Variants in SLC1A1 observed in about 807,000 individuals in gnomAD.
SLC1A1 encodes solute carrier family 1 member 1, also known as excitatory amino acid transporter 3.
A neutral mutation model predicts 53.3 loss-of-function variants in SLC1A1; 43 were observed. The observed-to-expected ratio is 0.81, with a 90% CI of 0.63 to 1.04. The LOEUF is 1.04. SLC1A1 is among the 50% of genes least tolerant of loss of function. The pLI, the probability that SLC1A1 is intolerant of heterozygous loss-of-function variation, is 0.00. For missense variants in SLC1A1, 748 were observed against 664.9 expected (o/e 1.12, Z -1.37); for synonymous variants, 307 against 243.2 (o/e 1.26, Z -2.44).
At chr9:4,572,090 TG>T (rs1820111561) in intron 6 of SLC1A1, 113 bp from the exon 7 acceptor site, 1 of 898,552 alleles carries the variant, frequency 1.1e-6, no homozygotes, top group African/African-American at 1.6e-5. Flanking sequence ...TGACTCTGCC[TG>T]GGAGATCACC....
intron 1 of SLC1A1, among the ~76,000 whole-genome samples, chr9:4,492,330 G>C (rs1398983708): frequency 1.3e-5 from 2 of 152,088 alleles, no homozygotes; most frequent in Non-Finnish European, 2.9e-5. Flanking sequence ...TGAAGACTGA[G>C]AGATGCCAGG....
intron 2 of SLC1A1, chr9:4,553,788 G>A (rs1330270775): frequency 6.6e-6 from 1 of 152,202 alleles, no homozygotes; most frequent in African/African-American, 2.4e-5. Context: ...TCACCAAATA[G>A]CCTAGAGTGG....
intron 1 of SLC1A1, among the ~76,000 whole-genome samples, chr9:4,530,792 T>G (rs1252244989): frequency 3.9e-5 from 6 of 152,234 alleles, no homozygotes; most frequent in Admixed American, 3.9e-4. Flanking sequence ...ATTTGGATAT[T>G]AATAAATGCA....
intron 2 of SLC1A1, 81 bp from the exon 3 acceptor site, chr9:4,561,368 T>A (rs1818922270): frequency 3.4e-6 from 3 of 885,492 alleles, no homozygotes; most frequent in Non-Finnish European, 5.8e-6. Context: ...GCTCTTTATT[T>A]CACAACCTGA....
chr9:4,576,138 G>T lies in SLC1A1; in HGVS notation c.998+15G>T, dbSNP rs748164966. ...ATCTCTTCCAGGTAAACAGAAGAGG[G>T]GTTTCTGGAAGAAGCCTCCAGGCTC... On this transcript the variant is annotated intron_variant, in intron 9 of 11. Coordinates refer to ENST00000262352, the MANE Select transcript of SLC1A1 (RefSeq NM_004170.6). The T allele has an allele frequency of 6.2e-7, 1 of 1,612,824 alleles. No individual in the cohort carries two copies. Among genetic ancestry groups the T allele is most frequent in the Non-Finnish European group, 8.5e-7 (1 of 1,178,814 alleles).
At chr9:4,534,127 C>T (rs1369598041) in intron 1 of SLC1A1, among the ~76,000 whole-genome samples, 2 of 152,112 alleles carry the variant, frequency 1.3e-5, no homozygotes, top group Non-Finnish European at 2.9e-5. Flanking sequence ...AAAACTGACA[C>T]CCTAACATCA....
rs140389093 is a variant in SLC1A1 at position 4,548,143 on chromosome 9, C to T, written c.232+3436C>T. Among the ~76,000 whole-genome samples the T allele has an allele frequency of 6.4e-3, 974 of 152,152 alleles. 8 individuals carry two copies. Among genetic ancestry groups the T allele is most frequent in the African/African-American group, 0.023 (941 of 41,510 alleles). On this transcript the variant is annotated intron_variant, in intron 2 of 11. Coordinates refer to ENST00000262352, the MANE Select transcript of SLC1A1 (RefSeq NM_004170.6). ...TCTGGCCTGAGATCCTCCAATTTTG[C>T]CTCTGGTCGCTTCTCTGCCTCATCT... is the stretch of plus-strand genomic sequence containing the variant.
intron 3 of SLC1A1, 114 bp downstream of exon 3, chr9:4,561,655 G>A: frequency 1.3e-6 from 1 of 764,846 alleles, no homozygotes; most frequent in Non-Finnish European, 2.4e-6. Context: ...AATCTGGGAG[G>A]CTGATGTGGG....
At chr9:4,533,922 A>G (rs1261446503) in intron 1 of SLC1A1, among the ~76,000 whole-genome samples, 5 of 152,200 alleles carry the variant, frequency 3.3e-5, no homozygotes, top group African/African-American at 1.2e-4. Context: ...AAACCACTCA[A>G]CTACATGGAA....
At chr9:4,572,179 A>C in intron 6 of SLC1A1, 25 bp from the exon 7 acceptor site, 6 of 1,599,066 alleles carry the variant, frequency 3.8e-6, no homozygotes, top group Non-Finnish European at 5.1e-6. Context: ...GTGCATCAAT[A>C]TGTTTTCTTG....
At chr9:4,540,798 C>T (rs1222390584) in intron 1 of SLC1A1, among the ~76,000 whole-genome samples, 2 of 152,206 alleles carry the variant, frequency 1.3e-5, no homozygotes, top group Non-Finnish European at 2.9e-5. Flanking sequence ...GCACAGGCAG[C>T]TTTCTTGGAA....
At chr9:4,528,999 C>T (rs904042435) in intron 1 of SLC1A1, among the ~76,000 whole-genome samples, 2 of 152,078 alleles carry the variant, frequency 1.3e-5, no homozygotes, top group Non-Finnish European at 2.9e-5. Context: ...AACAAGAACC[C>T]CAGAACTTCA....
chr9:4,493,341 T>G (rs1241090929), intron 1 of SLC1A1, among the ~76,000 whole-genome samples: 1 of 152,232 alleles, frequency 6.6e-6, no homozygotes, highest in Non-Finnish European at 1.5e-5. Context: ...TACTTGTTTG[T>G]GTAGTCTGTA....
intron 2 of SLC1A1, among the ~76,000 whole-genome samples, chr9:4,555,405 A>G (rs1360836081): frequency 6.6e-6 from 1 of 152,156 alleles, no homozygotes; most frequent in African/African-American, 2.4e-5. Context: ...CTCTAGGAGG[A>G]GTCTTTTGCC....
intron 3 of SLC1A1, among the ~76,000 whole-genome samples, chr9:4,562,062 C>G (rs1272834139): frequency 7.7e-6 from 1 of 129,348 alleles, no homozygotes; most frequent in Non-Finnish European, 1.6e-5. Flanking sequence ...CTGGCCCTAA[C>G]TACTTTTTTT....
intron 1 of SLC1A1, among the ~76,000 whole-genome samples, chr9:4,537,791 GACTA>G (rs1214599676): frequency 6.6e-6 from 1 of 151,996 alleles, no homozygotes; most frequent in Non-Finnish European, 1.5e-5. Flanking sequence ...AGTGGGGAGT[GACTA>G]ACAGGTGTGG....
At chr9:4,566,479 C>T (rs1273871222) in intron 5 of SLC1A1, among the ~76,000 whole-genome samples, 2 of 152,190 alleles carry the variant, frequency 1.3e-5, no homozygotes, top group Non-Finnish European at 2.9e-5. Flanking sequence ...CTCCTCTTTG[C>T]TTTTCCTCTG....
chr9:4,523,269 T>C (rs1200765256), intron 1 of SLC1A1, among the ~76,000 whole-genome samples: 1 of 152,192 alleles, frequency 6.6e-6, no homozygotes, highest in Non-Finnish European at 1.5e-5. Context: ...ACACAGGTCC[T>C]TGGACATAGT....
chr9:4,584,739 G>C (rs1464156675), intron 11 of SLC1A1, among the ~76,000 whole-genome samples: 1 of 152,186 alleles, frequency 6.6e-6, no homozygotes, highest in African/African-American at 2.4e-5. Context: ...GTGGCCCACA[G>C]AGAAATCCAT....
Sources: gnomAD v4.1 joint callset for allele counts (sites outside exome capture counted in the v4.1 genomes callset) on GRCh38, gnomAD v4.1.1 for gene constraint, MANE v1.5 for transcripts, NCBI Gene and HGNC (gene_info 2026-07-23, HGNC 2026-07-21) for gene names.